The following NR5A1 variants were observed in gnomAD, a reference collection of about 807,000 sequenced individuals.
NR5A1 encodes steroidogenic factor 1.
A neutral mutation model predicts 42.7 loss-of-function variants in NR5A1; 6 were observed. The observed-to-expected ratio is 0.14, with a 90% CI of 0.08 to 0.28. NR5A1 has a LOEUF of 0.28. Ranked by LOEUF, NR5A1 falls within the 10% of genes least tolerant of loss-of-function variation. The pLI is 1.00. For synonymous variants in NR5A1, 274 were observed against 277.5 expected, an observed-to-expected ratio of 0.99 and a Z score of 0.12; for missense variants, 442 against 626.4, an observed-to-expected ratio of 0.71 and a Z score of 3.14.
chr9:124,503,856 G>C lies in NR5A1; in HGVS notation c.-15-446C>G, dbSNP rs941061861. Among the ~76,000 whole-genome samples the C allele has an allele frequency of 1.3e-5, 2 of 152,126 alleles. No individual in the cohort carries two copies. The highest frequency in any genetic ancestry group is 2.4e-5 in the African/African-American group (1 of 41,414). The stretch of plus-strand genomic sequence containing the variant: ...GACGAAGGAGGCAGAGACAGAGTCC[G>C]GGGGAGCCAGAGATGGGAAGAAACT... On this transcript the variant is annotated intron_variant, in intron 1 of 6. Coordinates refer to ENST00000373588, the MANE Select transcript of NR5A1 (RefSeq NM_004959.5). The surrounding 1 kb of genome is among the most constrained non-coding windows in gnomAD (Gnocchi z 9.6).
intron 5 of NR5A1, among the ~76,000 whole-genome samples, chr9:124,492,782 C>A (rs966858080): frequency 2.0e-5 from 3 of 152,250 alleles, no homozygotes; most frequent in African/African-American, 7.2e-5. Flanking sequence ...CCTCACCATG[C>A]CCACACCCCC....
At chr9:124,491,015 T>TCTGG in intron 6 of NR5A1, 66 bp downstream of exon 6, 1 of 634,816 alleles carries the variant, frequency 1.6e-6, no homozygotes, top group Non-Finnish European at 2.8e-6. Context: ...CTCTCCAGCC[T>TCTGG]CACCCACCCT....
intron 3 of NR5A1, among the ~76,000 whole-genome samples, chr9:124,502,486 C>T (rs141847385): frequency 3.6e-3 from 555 of 152,168 alleles, no homozygotes; most frequent in Non-Finnish European, 4.6e-3. Context: ...CATGTCACCA[C>T]GCCCAGCTAC....
chr9:124,487,144 G>C (rs559528519), intron 6 of NR5A1, among the ~76,000 whole-genome samples: 19 of 152,244 alleles, frequency 1.2e-4, no homozygotes, highest in Non-Finnish European at 2.1e-4. Flanking sequence ...TCGGAGAGCA[G>C]CCCGCTAGCT....
At position 124,493,003 on chromosome 9, in the gene NR5A1, CA is replaced by C. The variant is rs752768875; in HGVS notation, c.990+26del. The C allele has an allele frequency of 3.8e-6, 6 of 1,559,504 alleles. No individual in the cohort carries two copies. The East Asian group carries it at 1.2e-4, about 30-fold the overall frequency. ...TGCACAGCGGGGCCAGGGCGGGGCC[CA>C]GGGGCGGGGCCGAGGGACTGGTCAC... On this transcript the variant is annotated intron_variant, in intron 5 of 6. Coordinates refer to ENST00000373588, the MANE Select transcript of NR5A1 (RefSeq NM_004959.5).
At position 124,500,332 on chromosome 9, in the gene NR5A1, G is replaced by T. The variant is rs1262783708; in HGVS notation, c.628C>A (p.Pro210Thr). 3.2e-6 allele frequency: 5 copies of T among 1,557,520 alleles called. No individual in the cohort carries two copies. Among genetic ancestry groups the T allele is most frequent in the Admixed American group, 1.9e-5 (1 of 51,640 alleles). Reference protein sequence around the residue: ...PYASPPQPGLPYGYPEPFSGG... With the variant: ...PYASPPQPGLTYGYPEPFSGG... ...GAGAAGGGCTCTGGGTAGCCGTACG[G>T]CAGCCCAGGCTGTGGGGGGCTGGCA... Residue 210 changes from proline to threonine, a missense_variant, in exon 4 of 7, where the codon CCG becomes ACG. This residue lies in a region of NR5A1 where 208 missense variants were observed against 203.8 expected (regional missense o/e 1.02). Transcript: ENST00000373588. The surrounding 1 kb of genome is among the most constrained non-coding windows in gnomAD (Gnocchi z 6.9).
At position 124,482,730 on chromosome 9, in the gene NR5A1, CAG is replaced by C; in HGVS notation, c.*26_*27del. ...CAGGCCCCGCCCCCAGTCCCGCCCC[CAG>C]TCCCGGCCCCGCCCCCGGCCCAGGC... On this transcript the variant is annotated 3_prime_UTR_variant, in exon 7 of 7. Coordinates refer to ENST00000373588, the MANE Select transcript of NR5A1 (RefSeq NM_004959.5). 6.8e-7 allele frequency: 1 copy of C among 1,478,312 alleles called. No individual in the cohort carries two copies. Among genetic ancestry groups the C allele is most frequent in the Non-Finnish European group, 9.1e-7 (1 of 1,099,188 alleles). The allele number at this position is 1,478,312 out of a possible 1,614,324, so 91.6% of individuals were successfully genotyped here.
At chr9:124,491,027 C>CCCCCCCCCCCCCCCCCCGGGGGGG in intron 6 of NR5A1, 54 bp downstream of exon 6, 1 of 923,304 alleles carries the variant, frequency 1.1e-6, no homozygotes, top group Non-Finnish European at 1.6e-6. Flanking sequence ...ACCCACCCTC[C>CCCCCCCCCCCCCCCCCCGGGGGGG]CACCCACCCG....
intron 4 of NR5A1, among the ~76,000 whole-genome samples, chr9:124,494,563 C>T (rs1391485761): frequency 6.6e-6 from 1 of 152,222 alleles, no homozygotes; most frequent in Non-Finnish European, 1.5e-5. Flanking sequence ...GGAGGCAGAA[C>T]TGGTGTTCAG....
At chr9:124,484,448 C>A (rs1045656267) in intron 6 of NR5A1, among the ~76,000 whole-genome samples, 4 of 152,142 alleles carry the variant, frequency 2.6e-5, no homozygotes, top group African/African-American at 7.2e-5. Context: ...CAGCCATGTA[C>A]ATAAACTAGA....
chr9:124,505,870 C>T (rs1832550311), intron 1 of NR5A1, among the ~76,000 whole-genome samples: 1 of 152,166 alleles, frequency 6.6e-6, no homozygotes, highest in Non-Finnish European at 1.5e-5. Context: ...AGGGACCATC[C>T]GCGGGGCCAC....
chr9:124,482,917 G>A lies in NR5A1; in HGVS notation c.1227C>T (p.Tyr409=). The part of the protein sequence containing the change: ...AALLDYTLCH[Y]PHCGDKFQQL... ...GCTGGAATTTGTCCCCGCAGTGCGG[G>A]TAGTGGCACAGGGTGTAGTCAAGCA... is the stretch of plus-strand genomic sequence containing the variant. Residue 409 remains tyrosine (Y), a synonymous_variant, in exon 7 of 7, where the codon TAC becomes TAT. Transcript: ENST00000373588. 6.2e-7 allele frequency: 1 copy of A among 1,614,196 alleles called. No individual in the cohort carries two copies. Among genetic ancestry groups the A allele is most frequent in the Non-Finnish European group, 8.5e-7 (1 of 1,180,032 alleles).
chr9:124,500,563 G>T lies in NR5A1; in HGVS notation c.397C>A (p.Pro133Thr). 6.2e-7 allele frequency: 1 copy of T among 1,611,414 alleles called. No homozygotes were observed. The highest frequency in any genetic ancestry group is 8.5e-7 in the Non-Finnish European group (1 of 1,179,830). ...GPPMGVPPPP[P>T]PAPDYVLPPS... ...GGCAGCACGTAGTCCGGTGCGGGAG[G>T]GGGCGGCGGGGGCACCCCCATCGGG... The change falls in exon 4 of 7, where the codon CCT (proline) becomes ACT (threonine). Residue 133 changes from proline to threonine, a missense_variant. Transcript: ENST00000373588. This position sits in a 1 kb window ranked among gnomAD's most constrained non-coding sequence, Gnocchi z 6.9.
intron 1 of NR5A1, among the ~76,000 whole-genome samples, chr9:124,505,367 G>A (rs1186022459): frequency 2.0e-5 from 3 of 152,210 alleles, no homozygotes; most frequent in African/African-American, 7.2e-5. Context: ...CCGTGGCCGA[G>A]GCTCGGATTC....
rs750682280 is a variant in NR5A1, at chr9:124,500,658, C to T, written c.302G>A (p.Arg101Gln). The change falls in exon 4 of 7, where the codon CGG becomes CAG. Residue 101 changes from arginine (R) to glutamine (Q), a missense_variant. Transcript: ENST00000373588. This position sits in a 1 kb window ranked among gnomAD's most constrained non-coding sequence, Gnocchi z 6.9. ...GRNKFGPMYK[R>Q]DRALKQQKKA... is the part of the protein sequence containing the mutation. The stretch of plus-strand genomic sequence containing the variant: ...CTTCTGCTGTTTCAGGGCCCGGTCC[C>T]GCTTGTACATCGGCCCAAACTTGTT... 1.7e-5 allele frequency: 28 copies of T among 1,613,264 alleles called. No homozygotes were observed. The highest frequency in any genetic ancestry group is 4.4e-5 in the South Asian group (4 of 91,088).
At chr9:124,491,019 C>CCCCCCCG in intron 6 of NR5A1, 62 bp downstream of exon 6, 1 of 483,058 alleles carries the variant, frequency 2.1e-6, no homozygotes, top group Non-Finnish European at 3.9e-6. Context: ...CCAGCCTCAC[C>CCCCCCCG]CACCCTCCCA....
Position 124,504,900 on chromosome 9 carries a change from C to G in NR5A1, c.-15-1490G>C, listed in dbSNP as rs541624706. ...CCTCCCCGCCCCCCATCCTGCCTCC[C>G]TGTTCCCCCCCGCACCGCCGCCGGG... On this transcript the variant is annotated intron_variant, in intron 1 of 6. Coordinates refer to ENST00000373588, the MANE Select transcript of NR5A1 (RefSeq NM_004959.5). Among the ~76,000 whole-genome samples, 7 of 142,614 alleles carry G rather than the reference C, an allele frequency of 4.9e-5. No individual in the cohort carries two copies. The East Asian group carries it at 1.5e-3, about 30-fold the overall frequency. 93.6% of individuals were successfully genotyped at this position (142,614 alleles called of 152,430 possible).
chr9:124,486,397 C>A (rs575752332), intron 6 of NR5A1, among the ~76,000 whole-genome samples: 1 of 152,194 alleles, frequency 6.6e-6, no homozygotes, highest in Non-Finnish European at 1.5e-5. Flanking sequence ...AACCAGGGCC[C>A]CCTCAAGACA....
At chr9:124,499,995 G>C in intron 4 of NR5A1, 95 bp downstream of exon 4, 2 of 1,587,558 alleles carry the variant, frequency 1.3e-6, no homozygotes, top group Non-Finnish European at 1.7e-6. Context: ...GAAGCCAGTG[G>C]GAAGGATGGC....
Sources: allele counts gnomAD v4.1 joint callset (sites outside exome capture counted in the v4.1 genomes callset), GRCh38; gene constraint gnomAD v4.1.1; regional missense constraint gnomAD v4.1.1; non-coding constraint Gnocchi (gnomAD v3.1); transcripts MANE v1.5; gene names NCBI Gene and HGNC (gene_info 2026-07-23, HGNC 2026-07-21).